Variants in LRRIQ4 observed in about 807,000 individuals in gnomAD.
The protein encoded by LRRIQ4 is leucine rich repeats and IQ motif containing 4, also known as leucine-rich repeat and IQ domain-containing protein 4.
LRRIQ4 carries 21 observed loss-of-function variants against 40.1 expected under a neutral mutation model. The ratio of observed to expected loss-of-function variants is 0.52; its 90% CI spans 0.37 to 0.75. The LOEUF (loss-of-function observed/expected upper bound fraction) is 0.75, where lower values mean the gene tolerates loss of function less well. Among genes scored for constraint, LRRIQ4 ranks in the 30% least tolerant of loss-of-function variants. The probability of loss-of-function intolerance (pLI) is 0.00; values close to 1 mark genes in which losing one functional copy is unlikely to be tolerated. For synonymous variants in LRRIQ4, 277 were observed against 277.1 expected (o/e 1.00, Z 0.00); for missense variants, 655 against 660.0 (o/e 0.99, Z 0.08).
rs114358692 is a variant in LRRIQ4 at position 169,827,918 on chromosome 3, G to C, written c.1021-841G>C. Among the ~76,000 whole-genome samples the C allele has an allele frequency of 3.2e-3, 491 of 152,270 alleles. 3 individuals are homozygous for C. The highest frequency in any genetic ancestry group is 0.011 in the African/African-American group (440 of 41,566). On this transcript the variant is annotated intron_variant, in intron 2 of 5. Coordinates refer to ENST00000340806, the MANE Select transcript of LRRIQ4 (RefSeq NM_001080460.3). ...GAAATGCCGACCCAGTTCCCACACA[G>C]GTTACACAAGCCTGGGTATTCACTG...
At chr3:169,833,871 C>A (rs1223215202) in intron 5 of LRRIQ4, among the ~76,000 whole-genome samples, 1 of 152,162 alleles carries the variant, frequency 6.6e-6, no homozygotes, top group Non-Finnish European at 1.5e-5. Context: ...AGTCTTCAGT[C>A]CGTAAAACCC....
chr3:169,833,046 T>G lies in LRRIQ4; in HGVS notation c.1393T>G (p.Ser465Ala), dbSNP rs759871125. 1 of 1,613,766 alleles carries G rather than the reference T, an allele frequency of 6.2e-7. No individual in the cohort carries two copies. The highest frequency in any genetic ancestry group is 1.3e-5 in the African/African-American group (1 of 74,942). Residue 465 changes from serine (S) to alanine (A), a missense_variant, in exon 5 of 6, where the codon TCC becomes GCC. Ser to Ala is a moderately conservative substitution (Grantham distance 99). Coordinates refer to ENST00000340806, the MANE Select transcript of LRRIQ4 (RefSeq NM_001080460.3). Reference protein sequence around the residue: ...LLTHLPENLDSLVNLKVLTLM... With the variant: ...LLTHLPENLDALVNLKVLTLM... ...CACCCATCTTCCAGAGAATTTGGAT[T>G]CCCTAGTGAATCTTAAGGTTCTGAC...
In LRRIQ4 at chr3:169,837,475, T is replaced by A; in HGVS notation, c.1531-4T>A. 2 of 1,600,640 alleles carry A rather than the reference T, an allele frequency of 1.2e-6. No individual in the cohort carries two copies. Among genetic ancestry groups the A allele is most frequent in the Non-Finnish European group, 1.7e-6 (2 of 1,176,358 alleles). On this transcript the variant is annotated splice_polypyrimidine_tract_variant and splice_region_variant and intron_variant, in intron 5 of 5. Transcript: ENST00000340806. ...TGCTGAATTTGGGTTTATCTTGTTT[T>A]CAGATTCAGGCATGGTGGCGTGGAA...
rs907242409 is a variant in LRRIQ4 at position 169,812,901 on chromosome 3, A to C, written c.-177A>C. On this transcript the variant is annotated 5_prime_UTR_variant, in exon 1 of 6. Transcript: ENST00000340806. The surrounding 1 kb of genome is among the most constrained non-coding windows in gnomAD (Gnocchi z 4.3). ...GCAGAGTAGCATCAGCACATGATAA[A>C]GGCGTTGGGCTTTGGGAGCATAAAG... 1 of 236,832 alleles carries C rather than the reference A, an allele frequency of 4.2e-6. No individual in the cohort carries two copies. The highest frequency in any genetic ancestry group is 2.3e-5 in the African/African-American group (1 of 44,106). 14.7% of individuals were successfully genotyped at this position (236,832 alleles called of 1,614,324 possible).
chr3:169,823,235 G>C (rs1306237719), intron 2 of LRRIQ4, among the ~76,000 whole-genome samples: 1 of 152,134 alleles, frequency 6.6e-6, no homozygotes, highest in Non-Finnish European at 1.5e-5. Flanking sequence ...GTATATGAAG[G>C]AAGTGAGGGG....
At chr3:169,820,654 T>C (rs898250884) in intron 1 of LRRIQ4, among the ~76,000 whole-genome samples, 1 of 151,960 alleles carries the variant, frequency 6.6e-6, no homozygotes, top group Admixed American at 6.6e-5. Context: ...TTAGCATTAC[T>C]GAGAATTCTA....
rs541740212 is a variant in LRRIQ4, at chr3:169,816,278, C to A, written c.-32+3232C>A. ...TGTTTGATAAAAATCAGCATTGAAG[C>A]CATTGGGTCCCAGGTTTTTCTTTGC... On this transcript the variant is annotated intron_variant, in intron 1 of 5. Transcript: ENST00000340806. Among the ~76,000 whole-genome samples, 127 of 152,222 alleles carry A rather than the reference C, an allele frequency of 8.3e-4. 1 individual carries two copies. Among genetic ancestry groups the A allele is most frequent in the African/African-American group, 3.0e-3 (123 of 41,544 alleles).
chr3:169,834,157 T>G (rs967677032), intron 5 of LRRIQ4, among the ~76,000 whole-genome samples: 2 of 151,684 alleles, frequency 1.3e-5, no homozygotes, highest in African/African-American at 4.9e-5. Flanking sequence ...AGGTCAGGAG[T>G]TCGAGATCAG....
intron 1 of LRRIQ4, among the ~76,000 whole-genome samples, 104 bp downstream of exon 1, chr3:169,813,150 C>G (rs1779668958): frequency 6.6e-6 from 1 of 152,220 alleles, no homozygotes; most frequent in Non-Finnish European, 1.5e-5. Flanking sequence ...TCCAGCTGCT[C>G]CTGGCACAGA....
chr3:169,836,510 C>A (rs1179282761), intron 5 of LRRIQ4, among the ~76,000 whole-genome samples: 2 of 151,872 alleles, frequency 1.3e-5, no homozygotes, highest in Non-Finnish European at 2.9e-5. Flanking sequence ...AGAGAGATTG[C>A]ACTAGAGAGT....
At chr3:169,832,198 G>A (rs1455198151) in intron 4 of LRRIQ4, among the ~76,000 whole-genome samples, 3 of 151,986 alleles carry the variant, frequency 2.0e-5, no homozygotes, top group Admixed American at 1.3e-4. Context: ...GGCCAGGCGC[G>A]GTGGCTCACG....
rs1560610814 is a variant in LRRIQ4, at chr3:169,822,470, G to A, written c.549G>A (p.Glu183=). ...KRNQFEVFPQ[E]LCVLYTLEII... ...ACCAGTTTGAAGTTTTCCCCCAGGA[G>A]CTCTGTGTTCTCTACACCCTGGAAA... Residue 183 remains glutamate (E), a synonymous_variant, in exon 2 of 6, where the codon GAG becomes GAA. Coordinates refer to ENST00000340806, the MANE Select transcript of LRRIQ4 (RefSeq NM_001080460.3). The A allele has an allele frequency of 6.2e-7, 1 of 1,614,028 alleles. No homozygotes were observed. The highest frequency in any genetic ancestry group is 2.2e-5 in the East Asian group (1 of 44,890).
At chr3:169,818,543 G>C (rs1779810852) in intron 1 of LRRIQ4, among the ~76,000 whole-genome samples, 1 of 152,156 alleles carries the variant, frequency 6.6e-6, no homozygotes. Flanking sequence ...CTGGTATAGG[G>C]AAGGCATGTT....
intron 1 of LRRIQ4, among the ~76,000 whole-genome samples, chr3:169,814,350 C>T (rs1193789729): frequency 1.3e-5 from 2 of 152,140 alleles, no homozygotes; most frequent in Non-Finnish European, 2.9e-5. Flanking sequence ...TGGCAGCGTC[C>T]GCTGGTGCCT....
In LRRIQ4 at chr3:169,837,576, A is replaced by G. The variant is rs1334673136; in HGVS notation, c.1628A>G (p.Asp543Gly). ...AAGAAAGGAAAGACCTCTCCAAAAGATAAGAAAGGAAAGAAGGATGTAAAA... is the reference window on the plus strand; with the variant it reads ...AAGAAAGGAAAGACCTCTCCAAAAGGTAAGAAAGGAAAGAAGGATGTAAAA... ...PQKKGKTSPKDKKGKKDVKGK... is the reference protein window; with the variant it reads ...PQKKGKTSPKGKKGKKDVKGK... The change falls in exon 6 of 6, where the codon GAT becomes GGT. Residue 543 changes from aspartate to glycine, a missense_variant. Transcript: ENST00000340806. 6.3e-7 allele frequency: 1 copy of G among 1,598,860 alleles called. No individual in the cohort carries two copies. The highest frequency in any genetic ancestry group is 1.1e-5 in the South Asian group (1 of 87,604).
intron 1 of LRRIQ4, among the ~76,000 whole-genome samples, chr3:169,821,271 A>G (rs1432464947): frequency 1.3e-5 from 2 of 152,188 alleles, no homozygotes; most frequent in Non-Finnish European, 2.9e-5. Flanking sequence ...TCTCAGTGTT[A>G]TGGTAAGAGC....
chr3:169,820,915 A>T (rs1779873516), intron 1 of LRRIQ4, among the ~76,000 whole-genome samples: 1 of 152,184 alleles, frequency 6.6e-6, no homozygotes, highest in South Asian at 2.1e-4. Flanking sequence ...TAGTGGGGAG[A>T]ACTGACTTTG....
At chr3:169,833,297 G>A in intron 5 of LRRIQ4, 114 bp downstream of exon 5, 4 of 857,536 alleles carry the variant, frequency 4.7e-6, no homozygotes, top group East Asian at 2.8e-5. Context: ...CTTCTGAAAA[G>A]AGAAGTTACT....
At position 169,820,535 on chromosome 3, in the gene LRRIQ4, CTT is replaced by C. The variant is rs34109206; in HGVS notation, c.-31-1338_-31-1337del. Among the ~76,000 whole-genome samples, 340 of 123,564 alleles carry C rather than the reference CTT, an allele frequency of 2.8e-3. 1 individual carries two copies. The highest frequency in any genetic ancestry group is 8.6e-3 in the African/African-American group (285 of 33,178). The allele number at this position is 123,564 out of a possible 152,430, so 81.1% of individuals were successfully genotyped here. On this transcript the variant is annotated intron_variant, in intron 1 of 5. Transcript: ENST00000340806. Reference sequence around the variant, plus strand: ...GATCCAATTAGGGGAATATTGACATCTTTTTTTTTTTTTTTTTTTGAGACGGA... The same window carrying C: ...GATCCAATTAGGGGAATATTGACATCTTTTTTTTTTTTTTTTTGAGACGGA...
Sources: allele counts gnomAD v4.1 joint callset (sites outside exome capture counted in the v4.1 genomes callset), GRCh38; gene constraint gnomAD v4.1.1; non-coding constraint Gnocchi (gnomAD v3.1); transcripts MANE v1.5; gene names NCBI Gene and HGNC (gene_info 2026-07-23, HGNC 2026-07-21).